SLC16A10: variants seen among roughly 807,000 people sequenced by gnomAD.
The protein encoded by SLC16A10 is monocarboxylate transporter 10.
A neutral mutation model predicts 40.0 loss-of-function variants in SLC16A10; 27 were observed. The ratio of observed to expected loss-of-function variants is 0.67; its 90% CI spans 0.50 to 0.93. SLC16A10 has a LOEUF of 0.93. SLC16A10 is among the 40% of genes least tolerant of loss of function. The probability of loss-of-function intolerance (pLI) is 0.00; values close to 1 mark genes in which losing one functional copy is unlikely to be tolerated. For missense variants in SLC16A10, 529 were observed against 658.2 expected (o/e 0.80, Z 2.15); for synonymous variants, 213 against 249.8 (o/e 0.85, Z 1.39).
In SLC16A10 at chr6:111,177,234, A is replaced by T. The variant is rs754223965; in HGVS notation, c.511A>T (p.Thr171Ser). Reference protein sequence around the residue: ...FVSSIEPLYLTYGIIFACGCS... With the variant: ...FVSSIEPLYLSYGIIFACGCS... ...CAGTTCCATCGAGCCTCTGTACCTT[A>T]CCTATGGAATCATATTTGCCTGCGG... Residue 171 changes from threonine to serine, a missense_variant, in exon 3 of 6, where the codon ACC (threonine) becomes TCC (serine). By Grantham distance (58) the Thr-to-Ser change is moderately conservative. Transcript: ENST00000368851. The T allele has an allele frequency of 6.4e-7, 1 of 1,559,572 alleles. No individual in the cohort carries two copies. The highest frequency in any genetic ancestry group is 2.2e-5 in the East Asian group (1 of 44,496).
chr6:111,230,419 T>C lies in SLC16A10; in HGVS notation c.*8184T>C, dbSNP rs145591768. 188 of 152,350 alleles carry C rather than the reference T, an allele frequency of 1.2e-3. No homozygotes were observed. The highest frequency in any genetic ancestry group is 4.3e-3 in the African/African-American group (178 of 41,594). The allele number at this position is 152,350 out of a possible 1,614,324, so 9.4% of individuals were successfully genotyped here. A position where few individuals can be genotyped will look rare whatever the true frequency, so the allele number is the denominator to read the frequency against. On this transcript the variant is annotated 3_prime_UTR_variant, in exon 6 of 6. Transcript: ENST00000368851. ...GAAAGACTATGCATTCACAATCCAG[T>C]ACACTGGATTTGCTCTGGTAACTAA...
intron 1 of SLC16A10, among the ~76,000 whole-genome samples, chr6:111,108,492 C>T (rs889660947): frequency 6.6e-6 from 1 of 152,188 alleles, no homozygotes; most frequent in African/African-American, 2.4e-5. Flanking sequence ...CTGGTATCAA[C>T]TCACAAAAGT....
At chr6:111,145,337 G>C (rs79895264) in intron 1 of SLC16A10, among the ~76,000 whole-genome samples, 2,320 of 152,244 alleles carry the variant, frequency 0.015, 21 homozygotes, top group Non-Finnish European at 0.023. Flanking sequence ...GCACGTTGAG[G>C]CTGCAATAAG....
At chr6:111,127,360 A>T (rs1265982802) in intron 1 of SLC16A10, among the ~76,000 whole-genome samples, 1 of 152,188 alleles carries the variant, frequency 6.6e-6, no homozygotes, top group African/African-American at 2.4e-5. Context: ...ACTTCCCAGG[A>T]GGAAACAGAA....
At chr6:111,179,505 C>G (rs1205938201) in intron 3 of SLC16A10, among the ~76,000 whole-genome samples, 1 of 152,152 alleles carries the variant, frequency 6.6e-6, no homozygotes, top group Non-Finnish European at 1.5e-5. Context: ...TGGGCCACTT[C>G]CCTGGATATA....
At chr6:111,184,504 C>T (rs1333056343) in intron 3 of SLC16A10, among the ~76,000 whole-genome samples, 1 of 149,328 alleles carries the variant, frequency 6.7e-6, no homozygotes, top group Non-Finnish European at 1.5e-5. Flanking sequence ...TTTTTTGAGA[C>T]TGAGTCTCAT....
chr6:111,100,962 C>CTT (rs1771167579), intron 1 of SLC16A10, among the ~76,000 whole-genome samples: 1 of 79,292 alleles, frequency 1.3e-5, no homozygotes, highest in Non-Finnish European at 2.6e-5. Flanking sequence ...TTCTCTCCCT[C>CTT]TCTCTCTCTC....
chr6:111,198,617 G>A (rs1007326114), intron 3 of SLC16A10, among the ~76,000 whole-genome samples: 1 of 152,186 alleles, frequency 6.6e-6, no homozygotes, highest in Non-Finnish European at 1.5e-5. Flanking sequence ...TGGTATTTGT[G>A]TATCTAAACA....
In SLC16A10 at chr6:111,141,223, T is replaced by C. The variant is rs1052001886; in HGVS notation, c.344-31472T>C. The stretch of plus-strand genomic sequence containing the variant: ...TGTAGTTATTCTAAAAAATTAATTA[T>C]TTACCTTTATTTTAGCAAAATCAGT... On this transcript the variant is annotated intron_variant, in intron 1 of 5. Coordinates refer to ENST00000368851, the MANE Select transcript of SLC16A10 (RefSeq NM_018593.5). 3.3e-5 allele frequency among the ~76,000 whole-genome samples: 5 copies of C among 152,236 alleles called. No homozygotes were observed. In the East Asian group the frequency reaches 5.8e-4, roughly 18 times the overall value.
At chr6:111,130,722 A>T (rs1488229448) in intron 1 of SLC16A10, among the ~76,000 whole-genome samples, 1 of 152,136 alleles carries the variant, frequency 6.6e-6, no homozygotes, top group Non-Finnish European at 1.5e-5. Flanking sequence ...CCATGCTCCC[A>T]CCTGCCCATC....
intron 1 of SLC16A10, among the ~76,000 whole-genome samples, chr6:111,136,227 G>T (rs964681446): frequency 6.6e-6 from 1 of 152,158 alleles, no homozygotes; most frequent in Admixed American, 6.5e-5. Context: ...TTGCCAGCGG[G>T]GCAAGACTTT....
intron 1 of SLC16A10, among the ~76,000 whole-genome samples, chr6:111,092,226 T>G (rs960769378): frequency 1.3e-5 from 2 of 151,840 alleles, no homozygotes; most frequent in African/African-American, 4.8e-5. Context: ...GGTGCCCAGC[T>G]GCCAATGACA....
At chr6:111,171,759 T>A (rs1469955858) in intron 1 of SLC16A10, among the ~76,000 whole-genome samples, 5 of 143,356 alleles carry the variant, frequency 3.5e-5, no homozygotes, top group Non-Finnish European at 7.5e-5. Flanking sequence ...GAGATCACAG[T>A]GAGCTGAGAT....
chr6:111,205,650 A>G (rs1773242093), intron 3 of SLC16A10, among the ~76,000 whole-genome samples: 1 of 152,218 alleles, frequency 6.6e-6, no homozygotes, highest in African/African-American at 2.4e-5. Flanking sequence ...CTGAAACCCT[A>G]GAGGTTAAGA....
At chr6:111,106,892 G>T (rs9767473) in intron 1 of SLC16A10, among the ~76,000 whole-genome samples, 72,507 of 151,886 alleles carry the variant, frequency 0.48, 18,001 homozygotes, top group East Asian at 0.67. Context: ...CTCTAGCTGG[G>T]GATTAACAAA....
intron 3 of SLC16A10, among the ~76,000 whole-genome samples, chr6:111,196,571 G>A (rs1177664195): frequency 6.6e-6 from 1 of 152,180 alleles, no homozygotes; most frequent in East Asian, 1.9e-4. Context: ...AACTTTGAGA[G>A]GCCAAGGTGG....
In SLC16A10 at chr6:111,224,787, C is replaced by A. The variant is rs1458082827; in HGVS notation, c.*2552C>A. The A allele has an allele frequency of 1.3e-5, 2 of 152,118 alleles. No individual in the cohort carries two copies. Among genetic ancestry groups the A allele is most frequent in the African/African-American group, 4.8e-5 (2 of 41,426 alleles). The allele number at this position is 152,118 out of a possible 1,614,324, so 9.4% of individuals were successfully genotyped here. ...GTGCTTTAATCTAGTCAAACTAAAT[C>A]CTTTCTAATTTCTGAATGAAGTGTT... On this transcript the variant is annotated 3_prime_UTR_variant, in exon 6 of 6. Transcript: ENST00000368851.
rs758075959 is a variant in SLC16A10 at position 111,223,561 on chromosome 6, C to T, written c.*1326C>T. ...ACTTACTTTGTCATACATGCAGTTG[C>T]ACCTTACCACTTCTAATAGTGTCAT... On this transcript the variant is annotated 3_prime_UTR_variant, in exon 6 of 6. Coordinates refer to ENST00000368851, the MANE Select transcript of SLC16A10 (RefSeq NM_018593.5). 1 of 152,156 alleles carries T rather than the reference C, an allele frequency of 6.6e-6. No homozygotes were observed. Among genetic ancestry groups the T allele is most frequent in the African/African-American group, 2.4e-5 (1 of 41,442 alleles). The allele number at this position is 152,156 out of a possible 1,614,324, so 9.4% of individuals were successfully genotyped here. A position where few individuals can be genotyped will look rare whatever the true frequency, so the allele number is the denominator to read the frequency against.
intron 4 of SLC16A10, among the ~76,000 whole-genome samples, chr6:111,217,641 G>T (rs373045015): frequency 2.0e-5 from 3 of 152,080 alleles, no homozygotes; most frequent in African/African-American, 7.2e-5. Flanking sequence ...TAGTAAAGAC[G>T]GGGTTTCACC....
Sources: allele counts gnomAD v4.1 joint callset (sites outside exome capture counted in the v4.1 genomes callset), GRCh38; gene constraint gnomAD v4.1.1; transcripts MANE v1.5; gene names NCBI Gene and HGNC (gene_info 2026-07-23, HGNC 2026-07-21).